Variants in TASOR observed in about 807,000 individuals in gnomAD.
The protein encoded by TASOR is protein TASOR.
In TASOR, 53 loss-of-function variants were observed where a neutral mutation model predicts 178.6. The ratio of observed to expected loss-of-function variants is 0.30; its 90% confidence interval spans 0.24 to 0.37. The LOEUF is 0.37. Ranked by LOEUF, TASOR falls within the 10% of genes least tolerant of loss-of-function variation. The probability of loss-of-function intolerance (pLI) is 1.00; values close to 1 mark genes in which losing one functional copy is unlikely to be tolerated. For synonymous variants in TASOR, 713 were observed against 696.2 expected, an observed-to-expected ratio of 1.02 and a Z score of -0.38; for missense variants, 1,815 against 1,971.4, an observed-to-expected ratio of 0.92 and a Z score of 1.50.
intron 11 of TASOR, among the ~76,000 whole-genome samples, chr3:56,660,489 CAAAAA>C (rs35016053): frequency 3.0e-5 from 2 of 66,044 alleles, no homozygotes; most frequent in African/African-American, 5.1e-5. Context: ...GACTCCGTCT[CAAAAA>C]AAAAAAAAAA....
In TASOR at chr3:56,683,163, TG is replaced by T. The variant is rs991989751; in HGVS notation, c.-158del. On this transcript the variant is annotated 5_prime_UTR_variant, in exon 1 of 24. Transcript: ENST00000683822. Reference sequence around the variant, plus strand: ...CTGCGCTCCCGACCTGGCAGCCTCTTGGGGGGCCCTGTAGCGGGCACCCCAA... The same window carrying T: ...CTGCGCTCCCGACCTGGCAGCCTCTTGGGGGCCCTGTAGCGGGCACCCCAA... The T allele has an allele frequency of 1.6e-5, 12 of 764,800 alleles. No individual in the cohort carries two copies. The East Asian group carries it at 2.8e-4, about 18-fold the overall frequency. 47.4% of individuals were successfully genotyped at this position (764,800 alleles called of 1,614,324 possible).
chr3:56,669,856 G>C (rs2030491795), intron 4 of TASOR, 65 bp from the exon 5 acceptor site: 1 of 1,204,026 alleles, frequency 8.3e-7, no homozygotes, highest in African/African-American at 1.6e-5. Flanking sequence ...ACTAAAATAA[G>C]ACATTTTTAA....
In TASOR at chr3:56,646,921, T is replaced by C. The variant is rs1490791630; in HGVS notation, c.1816A>G (p.Ile606Val). 2.5e-6 allele frequency: 4 copies of C among 1,611,884 alleles called. No homozygotes were observed. The highest frequency in any genetic ancestry group is 3.4e-5 in the Admixed American group (2 of 59,612). ...AACTGATACACTTCAGGCCGAAAAATATAGGCATGCAAACAAGTATCAATA... is the reference window on the plus strand; with the variant it reads ...AACTGATACACTTCAGGCCGAAAAACATAGGCATGCAAACAAGTATCAATA... ...SHIDTCLHAY[I>V]FRPEVYQLPI... is the part of the protein sequence containing the mutation. Residue 606 changes from isoleucine (I) to valine (V), a missense_variant, in exon 14 of 24, where the codon ATT becomes GTT. Around this residue, in one of 5 missense-constraint regions of TASOR, gnomAD observed 504 missense variants for 645.3 expected, o/e 0.78. Transcript: ENST00000683822.
At chr3:56,639,175 CG>C (rs1325201618) in intron 16 of TASOR, among the ~76,000 whole-genome samples, 2 of 152,116 alleles carry the variant, frequency 1.3e-5, no homozygotes, top group Non-Finnish European at 1.5e-5. Context: ...TCAGAGTCCT[CG>C]GAAGTCTCAG....
chr3:56,634,277 A>C (rs2076973744), intron 17 of TASOR, among the ~76,000 whole-genome samples: 2 of 152,188 alleles, frequency 1.3e-5, no homozygotes, highest in Non-Finnish European at 2.9e-5. Flanking sequence ...TGTAGATCTA[A>C]GTTTAATACA....
intron 17 of TASOR, among the ~76,000 whole-genome samples, chr3:56,637,592 T>TTG (rs2077043310): frequency 6.6e-6 from 1 of 151,878 alleles, no homozygotes; most frequent in Admixed American, 6.6e-5. Flanking sequence ...TTTCTTTTTT[T>TTG]TTTTAACCAC....
chr3:56,643,867 G>T (rs2077181879), intron 14 of TASOR, among the ~76,000 whole-genome samples: 1 of 151,944 alleles, frequency 6.6e-6, no homozygotes, highest in Non-Finnish European at 1.5e-5. Flanking sequence ...ACCTAAAAAT[G>T]CAAGTCTGAT....
At position 56,660,837 on chromosome 3, in the gene TASOR, G is replaced by A; in HGVS notation, c.1265-3C>T. ...GCAATACATTCCATTCTTCAAAACT[G>A]ACATAAGAAAAATACATAGTAAATA... On this transcript the variant is annotated splice_polypyrimidine_tract_variant and splice_region_variant and intron_variant, in intron 10 of 23. Transcript: ENST00000683822. 3 of 1,612,674 alleles carry A rather than the reference G, an allele frequency of 1.9e-6. No individual in the cohort carries two copies. The highest frequency in any genetic ancestry group is 2.5e-6 in the Non-Finnish European group (3 of 1,179,546).
intron 17 of TASOR, among the ~76,000 whole-genome samples, chr3:56,637,694 C>T (rs548747710): frequency 6.6e-6 from 1 of 151,232 alleles, no homozygotes; most frequent in Non-Finnish European, 1.5e-5. Context: ...AAATAAATAA[C>T]TACAAAGATG....
In TASOR at chr3:56,623,013, C is replaced by A; in HGVS notation, c.*24G>T. 7.0e-7 allele frequency: 1 copy of A among 1,429,392 alleles called. No individual in the cohort carries two copies. Among genetic ancestry groups the A allele is most frequent in the South Asian group, 1.6e-5 (1 of 62,698 alleles). The allele number at this position is 1,429,392 out of a possible 1,614,324, so 88.5% of individuals were successfully genotyped here. A position where few individuals can be genotyped will look rare whatever the true frequency, so the allele number is the denominator to read the frequency against. On this transcript the variant is annotated 3_prime_UTR_variant, in exon 24 of 24. Coordinates refer to ENST00000683822, the MANE Select transcript of TASOR (RefSeq NM_001365635.2). ...GTTAATAAACAAAGTCCACAACAAT[C>A]TCTTAAAAAAAAAGTTACTACAGTT...
chr3:56,648,532 G>A (rs1452874547), intron 13 of TASOR, among the ~76,000 whole-genome samples: 1 of 150,538 alleles, frequency 6.6e-6, no homozygotes, highest in Non-Finnish European at 1.5e-5. Flanking sequence ...TCAGGAGGCT[G>A]AGGCAGGAGA....
rs746181105 is a variant in TASOR, at chr3:56,624,923, T to C, written c.4223A>G (p.Asn1408Ser). 100 of 1,614,052 alleles carry C rather than the reference T, an allele frequency of 6.2e-5. No individual in the cohort carries two copies. Among genetic ancestry groups the C allele is most frequent in the Non-Finnish European group, 7.8e-5 (92 of 1,180,014 alleles). The stretch of plus-strand genomic sequence containing the variant: ...AGCATTTCGAGTTTGTGAATCACAA[T>C]TGTGGTATGACAAAATTTCAACCAG... ...KHLVEILSYH[N>S]CDSQTRNAPE... Residue 1408 changes from asparagine (N) to serine (S), a missense_variant, in exon 22 of 24, where the codon AAT becomes AGT. Physicochemically the swap from Asn to Ser is conservative, Grantham distance 46 (BLOSUM62 1). This residue lies in a region of TASOR where 134 missense variants were observed against 195.2 expected (regional missense o/e 0.69). Coordinates refer to ENST00000683822, the MANE Select transcript of TASOR (RefSeq NM_001365635.2).
intron 18 of TASOR, among the ~76,000 whole-genome samples, chr3:56,631,223 T>G (rs1457093358): frequency 6.6e-6 from 1 of 152,176 alleles, no homozygotes; most frequent in Non-Finnish European, 1.5e-5. Flanking sequence ...AATTTCTATG[T>G]TCTTCAGGTC....
chr3:56,658,521 A>G (rs2077519718), intron 11 of TASOR, among the ~76,000 whole-genome samples: 2 of 152,186 alleles, frequency 1.3e-5, no homozygotes, highest in Admixed American at 1.3e-4. Context: ...TGGGAACTGA[A>G]TAGATTTTGA....
At chr3:56,682,021 A>G (rs982133469) in intron 1 of TASOR, among the ~76,000 whole-genome samples, 3 of 152,194 alleles carry the variant, frequency 2.0e-5, no homozygotes, top group African/African-American at 7.2e-5. Flanking sequence ...CTTTTCAAAT[A>G]TAAGAAAAAC....
At position 56,668,701 on chromosome 3, in the gene TASOR, C is replaced by T. The variant is rs6766819; in HGVS notation, c.736-143G>A. On this transcript the variant is annotated intron_variant, in intron 5 of 23. Coordinates refer to ENST00000683822, the MANE Select transcript of TASOR (RefSeq NM_001365635.2). ...TAATATCTCACAGAACAGCTGGGCGCGGTGACTCAGGCCTGTAATCCCAGC... is the reference window on the plus strand; with the variant it reads ...TAATATCTCACAGAACAGCTGGGCGTGGTGACTCAGGCCTGTAATCCCAGC... 1,736 of 669,032 alleles carry T rather than the reference C, an allele frequency of 2.6e-3. 28 individuals are homozygous for T. The African/African-American group carries it at 0.027, about 11-fold the overall frequency. 41.4% of individuals were successfully genotyped at this position (669,032 alleles called of 1,614,324 possible).
intron 14 of TASOR, among the ~76,000 whole-genome samples, chr3:56,643,137 G>A (rs923603961): frequency 1.3e-5 from 2 of 150,044 alleles, no homozygotes; most frequent in African/African-American, 2.5e-5. Context: ...GGTGGCACAC[G>A]CCTGTAATCC....
chr3:56,645,268 T>G (rs1354717692), intron 14 of TASOR, among the ~76,000 whole-genome samples: 1 of 152,114 alleles, frequency 6.6e-6, no homozygotes, highest in Non-Finnish European at 1.5e-5. Context: ...AGTGAGATTT[T>G]GTCTCAAAAA....
At chr3:56,676,969 G>C (rs924713856) in intron 1 of TASOR, among the ~76,000 whole-genome samples, 1 of 152,152 alleles carries the variant, frequency 6.6e-6, no homozygotes, top group African/African-American at 2.4e-5. Context: ...TGCCTCAGTG[G>C]CTTCGTTAGG....
Sources: allele counts gnomAD v4.1 joint callset (sites outside exome capture counted in the v4.1 genomes callset), GRCh38; gene constraint gnomAD v4.1.1; regional missense constraint gnomAD v4.1.1; transcripts MANE v1.5; gene names NCBI Gene and HGNC (gene_info 2026-07-23, HGNC 2026-07-21).